CCDC102B: variants seen among roughly 807,000 people sequenced by gnomAD.
The protein encoded by CCDC102B is coiled-coil domain-containing protein 102B.
A neutral mutation model predicts 57.4 loss-of-function variants in CCDC102B; 75 were observed. The ratio of observed to expected loss-of-function variants is 1.31; its 90% confidence interval spans 1.08 to 1.58. The LOEUF (loss-of-function observed/expected upper bound fraction) is 1.58, where lower values mean the gene tolerates loss of function less well. Among genes scored for constraint, CCDC102B ranks in the 40% most tolerant of loss-of-function variants. The pLI is 0.00. For synonymous variants in CCDC102B, 206 were observed against 201.9 expected (o/e 1.02, Z -0.17); for missense variants, 636 against 582.6 (o/e 1.09, Z -0.94).
At chr18:68,940,186 A>G (rs2049340789) in intron 6 of CCDC102B, among the ~76,000 whole-genome samples, 1 of 151,776 alleles carries the variant, frequency 6.6e-6, no homozygotes, top group Admixed American at 6.6e-5. Context: ...ATGAGTCATA[A>G]TTCTTTCAGC....
At chr18:68,723,246 A>C (rs569502621) in intron 2 of CCDC102B, among the ~76,000 whole-genome samples, 1 of 152,272 alleles carries the variant, frequency 6.6e-6, no homozygotes, top group African/African-American at 2.4e-5. Flanking sequence ...CACCCTTGAT[A>C]CATGGGGATT....
intron 4 of CCDC102B, among the ~76,000 whole-genome samples, chr18:68,856,035 A>G (rs1326165312): frequency 6.6e-6 from 1 of 152,130 alleles, no homozygotes; most frequent in Non-Finnish European, 1.5e-5. Context: ...TTAATTTCCA[A>G]GGCTTTTGCA....
intron 6 of CCDC102B, among the ~76,000 whole-genome samples, chr18:68,930,470 GA>G (rs1419416941): frequency 6.6e-6 from 1 of 151,860 alleles, no homozygotes; most frequent in African/African-American, 2.4e-5. Flanking sequence ...AGATAATGAT[GA>G]TGTGTGGATG....
At chr18:68,760,008 G>T (rs1214023747) in intron 2 of CCDC102B, among the ~76,000 whole-genome samples, 1 of 151,996 alleles carries the variant, frequency 6.6e-6, no homozygotes, top group Non-Finnish European at 1.5e-5. Context: ...CTTGGAAGGG[G>T]CCATTTCAAT....
intron 2 of CCDC102B, among the ~76,000 whole-genome samples, chr18:68,790,153 G>A (rs996727627): frequency 1.5e-3 from 192 of 132,326 alleles, no homozygotes; most frequent in African/African-American, 3.3e-3. Flanking sequence ...GGGGTCAGGG[G>A]TCAGGGACCC....
intron 6 of CCDC102B, among the ~76,000 whole-genome samples, chr18:68,991,154 G>T (rs1283946553): frequency 1.6e-5 from 2 of 125,934 alleles, no homozygotes; most frequent in African/African-American, 2.9e-5. Flanking sequence ...ATAAATACAA[G>T]TCTGAATTGT....
At chr18:68,885,826 A>G (rs1210192263) in intron 5 of CCDC102B, among the ~76,000 whole-genome samples, 1 of 152,026 alleles carries the variant, frequency 6.6e-6, no homozygotes, top group Non-Finnish European at 1.5e-5. Context: ...ATGAAAGTTG[A>G]TGCCAGGTAA....
intron 6 of CCDC102B, among the ~76,000 whole-genome samples, chr18:68,899,458 G>A (rs1000768402): frequency 6.6e-6 from 1 of 151,840 alleles, no homozygotes; most frequent in African/African-American, 2.4e-5. Context: ...CACCATGTAT[G>A]AGTACCATGT....
chr18:68,776,720 A>T (rs2034830497), intron 2 of CCDC102B, among the ~76,000 whole-genome samples: 1 of 152,172 alleles, frequency 6.6e-6, no homozygotes, highest in Non-Finnish European at 1.5e-5. Context: ...TAATAGGCTT[A>T]ATACCTGAGT....
At chr18:68,860,173 A>G (rs1599585327) in intron 4 of CCDC102B, among the ~76,000 whole-genome samples, 1 of 74,202 alleles carries the variant, frequency 1.3e-5, no homozygotes, top group Admixed American at 1.5e-4. Context: ...GAAATTGGAA[A>G]CCATCATTCT....
chr18:69,055,576 C>A (rs531262715), downstream of CCDC102B, among the ~76,000 whole-genome samples: 5 of 151,508 alleles, frequency 3.3e-5, no homozygotes, highest in African/African-American at 1.2e-4. Context: ...AGTCACAATC[C>A]CATATGAGAA....
chr18:68,990,646 C>T (rs535049051), intron 6 of CCDC102B, among the ~76,000 whole-genome samples: 121 of 152,162 alleles, frequency 8.0e-4, no homozygotes, highest in Middle Eastern at 3.4e-3. Context: ...TCATTGTTTT[C>T]GCTATCAAAA....
At chr18:68,896,803 ATCTG>A (rs1292036205) in intron 5 of CCDC102B, among the ~76,000 whole-genome samples, 1 of 152,028 alleles carries the variant, frequency 6.6e-6, no homozygotes, top group Non-Finnish European at 1.5e-5. Flanking sequence ...TCCATATAGC[ATCTG>A]TCTATTCCCT....
At chr18:69,006,392 GATTTATTT>G (rs71931343) in intron 6 of CCDC102B, among the ~76,000 whole-genome samples, 28,109 of 141,610 alleles carry the variant, frequency 0.2, 3,013 homozygotes, top group Middle Eastern at 0.26. Flanking sequence ...ATAGCTTTGA[GATTTATTT>G]ATTTATTTAT....
intron 6 of CCDC102B, chr18:68,902,211 A>G (rs1439708743): frequency 1.3e-5 from 2 of 152,164 alleles, no homozygotes; most frequent in Non-Finnish European, 2.9e-5. Context: ...GAATTACTTC[A>G]TGCTTTCTTC....
intron 1 of CCDC102B, among the ~76,000 whole-genome samples, chr18:68,716,151 A>T (rs2031967935): frequency 1.3e-5 from 2 of 150,412 alleles, no homozygotes; most frequent in African/African-American, 2.4e-5. Context: ...GTAGACTAAA[A>T]CGTAAGGGGA....
intron 6 of CCDC102B, among the ~76,000 whole-genome samples, chr18:68,937,839 C>T (rs142562203): frequency 0.039 from 5,888 of 151,444 alleles, 165 homozygotes; most frequent in Non-Finnish European, 0.053. Context: ...CTCCCACTTA[C>T]GAGTGAGAGC....
intron 6 of CCDC102B, among the ~76,000 whole-genome samples, chr18:68,929,343 A>G (rs1051441400): frequency 6.6e-6 from 1 of 151,906 alleles, no homozygotes; most frequent in Admixed American, 6.6e-5. Flanking sequence ...GAGATTTTAT[A>G]AAGTTTTCTA....
intron 4 of CCDC102B, among the ~76,000 whole-genome samples, chr18:68,853,682 A>G (rs2038246312): frequency 1.3e-5 from 1 of 76,808 alleles, no homozygotes; most frequent in Non-Finnish European, 3.3e-5. Context: ...TAAAAAAAAA[A>G]AAAAAAAAAA....
Sources: gnomAD v4.1 joint callset for allele counts (sites outside exome capture counted in the v4.1 genomes callset) on GRCh38, gnomAD v4.1.1 for gene constraint, MANE v1.5 for transcripts, NCBI Gene and HGNC (gene_info 2026-07-23, HGNC 2026-07-21) for gene names.